SLC35D4: variants seen among roughly 807,000 people sequenced by gnomAD.
SLC35D4 encodes the protein UDP-N-acetylglucosamine transporter SLC35D4.
chr18:23,246,552 C>T, the SLC35D4 span, among the ~76,000 whole-genome samples: 84,615 of 151,044 alleles, frequency 0.56, 25,552 homozygotes, highest in African/African-American at 0.81. Context: ...CCACCACACC[C>T]GGCTAATTTT....
chr18:23,371,500 T>C, the SLC35D4 span: 26 of 1,555,580 alleles, frequency 1.7e-5, no homozygotes, highest in Non-Finnish European at 2.2e-5. Flanking sequence ...AAAGAAAAAA[T>C]GGCTATAAGT....
chr18:23,405,056 C>G, the SLC35D4 span, among the ~76,000 whole-genome samples: 1 of 147,448 alleles, frequency 6.8e-6, no homozygotes, highest in Non-Finnish European at 1.5e-5. Context: ...CTTCTTGTAC[C>G]AAGTGAGGAT....
At chr18:23,394,151 T>C in the SLC35D4 span, among the ~76,000 whole-genome samples, 2 of 152,238 alleles carry the variant, frequency 1.3e-5, no homozygotes, top group East Asian at 1.9e-4. Flanking sequence ...CCATAGCAGC[T>C]GCACCACTGT....
At chr18:23,430,308 C>G in the SLC35D4 span, among the ~76,000 whole-genome samples, 1 of 151,774 alleles carries the variant, frequency 6.6e-6, no homozygotes, top group Admixed American at 6.6e-5. Context: ...TCCTGGCCTC[C>G]TACAATCCTC....
At chr18:23,437,922 G>T in the SLC35D4 span, 2 of 1,479,520 alleles carry the variant, frequency 1.4e-6, no homozygotes, top group African/African-American at 2.8e-5. Context: ...CCCGACCCCC[G>T]CAGCAGCAGC....
At chr18:23,302,090 G>A in the SLC35D4 span, among the ~76,000 whole-genome samples, 2 of 152,234 alleles carry the variant, frequency 1.3e-5, no homozygotes, top group Non-Finnish European at 2.9e-5. Flanking sequence ...ATGCAAAGGT[G>A]AATGAAACAC....
the SLC35D4 span, chr18:23,257,159 T>C: frequency 6.4e-7 from 1 of 1,560,662 alleles, no homozygotes; most frequent in East Asian, 2.3e-5. Context: ...ATAGAGAAGC[T>C]GCAATTGCAG....
the SLC35D4 span, chr18:23,297,829 A>C: frequency 1.5e-6 from 1 of 686,438 alleles, no homozygotes; most frequent in Non-Finnish European, 2.4e-6. Flanking sequence ...CCTCGGCCTC[A>C]TCAGCCACCA....
the SLC35D4 span, chr18:23,421,423 T>C: frequency 2.5e-6 from 4 of 1,613,932 alleles, no homozygotes; most frequent in Non-Finnish European, 3.4e-6. Context: ...GAAGCAAAAG[T>C]CCACCAATGA....
chr18:23,427,018 C>T, the SLC35D4 span, among the ~76,000 whole-genome samples: 2 of 152,256 alleles, frequency 1.3e-5, no homozygotes. Flanking sequence ...AAAATTAATT[C>T]AAGATGGATT....
chr18:23,437,769 C>G, the SLC35D4 span: 4 of 1,608,812 alleles, frequency 2.5e-6, no homozygotes, highest in Non-Finnish European at 3.4e-6. Flanking sequence ...CCTCCCGCGC[C>G]CGCCCCCTCA....
the SLC35D4 span, among the ~76,000 whole-genome samples, chr18:23,417,640 G>C: frequency 6.6e-6 from 1 of 152,084 alleles, no homozygotes; most frequent in Non-Finnish European, 1.5e-5. Flanking sequence ...CAATGCCAAT[G>C]AATTGTATAC....
At chr18:23,302,709 C>T in the SLC35D4 span, among the ~76,000 whole-genome samples, 1 of 152,158 alleles carries the variant, frequency 6.6e-6, no homozygotes, top group South Asian at 2.1e-4. Context: ...GTGGAATGCA[C>T]GAATATACAA....
chr18:23,253,141 T>C, the SLC35D4 span: 1 of 815,772 alleles, frequency 1.2e-6, no homozygotes, highest in South Asian at 1.4e-5. Flanking sequence ...TTGTCATCTG[T>C]CCAGTGGTCC....
the SLC35D4 span, among the ~76,000 whole-genome samples, chr18:23,336,511 T>A: frequency 6.6e-6 from 1 of 152,262 alleles, no homozygotes; most frequent in South Asian, 2.1e-4. Context: ...TTAGATTTTT[T>A]AAGCATGGTC....
chr18:23,256,796 T>C, the SLC35D4 span, among the ~76,000 whole-genome samples: 1 of 152,188 alleles, frequency 6.6e-6, no homozygotes, highest in African/African-American at 2.4e-5. Context: ...TTATTTTCAG[T>C]CTTCCCTTTA....
the SLC35D4 span, among the ~76,000 whole-genome samples, chr18:23,362,978 C>T: frequency 6.6e-6 from 1 of 152,056 alleles, no homozygotes; most frequent in Non-Finnish European, 1.5e-5. Flanking sequence ...CAGTGGCTCA[C>T]GCCTATAATC....
chr18:23,369,893 T>C, the SLC35D4 span, among the ~76,000 whole-genome samples: 1 of 152,132 alleles, frequency 6.6e-6, no homozygotes, highest in Admixed American at 6.5e-5. Context: ...ATTAAGAGTT[T>C]ATCCTGGCCG....
chr18:23,313,773 C>A, the SLC35D4 span, among the ~76,000 whole-genome samples: 1 of 152,154 alleles, frequency 6.6e-6, no homozygotes, highest in Non-Finnish European at 1.5e-5. Context: ...TCTTCGCTCC[C>A]CTCCTCTCTC....
Sources: allele counts gnomAD v4.1 joint callset (sites outside exome capture counted in the v4.1 genomes callset), GRCh38; gene constraint gnomAD v4.1.1; transcripts MANE v1.5; gene names NCBI Gene and HGNC (gene_info 2026-07-23, HGNC 2026-07-21).